The following TENM2 variants were observed in gnomAD, a reference collection of about 807,000 sequenced individuals.
TENM2 encodes teneurin-2.
TENM2 carries 52 observed loss-of-function variants against 245.2 expected under a neutral mutation model. The ratio of observed to expected loss-of-function variants is 0.21; its 90% CI spans 0.17 to 0.27. The LOEUF (loss-of-function observed/expected upper bound fraction) is 0.27, where lower values mean the gene tolerates loss of function less well. TENM2 is among the 10% of genes least tolerant of loss of function. The pLI is 1.00. For synonymous variants in TENM2, 1,363 were observed against 1,438.9 expected (o/e 0.95, Z 1.19); for missense variants, 3,046 against 3,666.8 (o/e 0.83, Z 4.37).
chr5:167,315,871 A>C (rs1033705404), intron 1 of TENM2, among the ~76,000 whole-genome samples: 1 of 152,134 alleles, frequency 6.6e-6, no homozygotes, highest in Non-Finnish European at 1.5e-5. Context: ...TGAAAAAGAA[A>C]ATTAGGAACA....
intron 7 of TENM2, among the ~76,000 whole-genome samples, chr5:168,080,447 C>T (rs1347538184): frequency 6.6e-6 from 1 of 152,090 alleles, no homozygotes; most frequent in African/African-American, 2.4e-5. Flanking sequence ...CTGCTCTGAT[C>T]TTAGTTATTT....
In TENM2 at chr5:167,940,307, T is replaced by C. The variant is rs143638499; in HGVS notation, c.713-12281T>C. 2.2e-4 allele frequency among the ~76,000 whole-genome samples: 33 copies of C among 152,300 alleles called. No homozygotes were observed. In the East Asian group the frequency reaches 4.2e-3, roughly 20 times the overall value. ...CGGTCATTTGTTCAACAACCGTCTATTGTGTCTACCAAGTACTCCAAGAGC... is the reference window on the plus strand; with the variant it reads ...CGGTCATTTGTTCAACAACCGTCTACTGTGTCTACCAAGTACTCCAAGAGC... On this transcript the variant is annotated intron_variant, in intron 3 of 28. Coordinates refer to ENST00000518659, the Ensembl canonical transcript of TENM2.
intron 2 of TENM2, among the ~76,000 whole-genome samples, chr5:167,841,694 G>C (rs774174547): frequency 2.0e-5 from 3 of 151,982 alleles, no homozygotes; most frequent in Non-Finnish European, 4.4e-5. Context: ...TCTAGTCCTT[G>C]GTCTATATTC....
intron 2 of TENM2, among the ~76,000 whole-genome samples, chr5:167,615,607 G>C (rs987040189): frequency 2.2e-4 from 34 of 152,040 alleles, no homozygotes; most frequent in African/African-American, 7.2e-4. Flanking sequence ...GCATTCAGAG[G>C]GGGACTTAGA....
chr5:168,160,333 G>GT (rs1266630431), intron 12 of TENM2, among the ~76,000 whole-genome samples: 22 of 152,240 alleles, frequency 1.4e-4, no homozygotes, highest in African/African-American at 5.3e-4. Context: ...GTGAACAGGG[G>GT]TTTTCCAGGC....
chr5:167,234,584 A>G, the TENM2 span, among the ~76,000 whole-genome samples: 4 of 152,242 alleles, frequency 2.6e-5, no homozygotes, highest in Admixed American at 1.3e-4. Context: ...TCTGACTTTT[A>G]TCAGACTCTG....
intron 8 of TENM2, among the ~76,000 whole-genome samples, chr5:168,093,418 G>A (rs1036284167): frequency 2.6e-5 from 4 of 152,180 alleles, no homozygotes; most frequent in African/African-American, 9.7e-5. Context: ...GAAATGCAGG[G>A]AAAAGAACAG....
At chr5:167,153,874 A>G in the TENM2 span, among the ~76,000 whole-genome samples, 2 of 152,148 alleles carry the variant, frequency 1.3e-5, no homozygotes, top group Non-Finnish European at 2.9e-5. Context: ...AACTCATTAC[A>G]TTTTCTAATA....
At chr5:167,840,010 G>A (rs1227885533) in intron 2 of TENM2, among the ~76,000 whole-genome samples, 1 of 152,100 alleles carries the variant, frequency 6.6e-6, no homozygotes, top group African/African-American at 2.4e-5. Context: ...TAGTAGAGAC[G>A]GAGTTTCACC....
intron 1 of TENM2, among the ~76,000 whole-genome samples, chr5:167,346,933 C>G (rs1310129980): frequency 6.6e-6 from 1 of 152,048 alleles, no homozygotes; most frequent in African/African-American, 2.4e-5. Flanking sequence ...CGCCTCCACA[C>G]CCAGCTATTT....
At chr5:168,038,575 T>C (rs1310583781) in intron 5 of TENM2, among the ~76,000 whole-genome samples, 1 of 152,220 alleles carries the variant, frequency 6.6e-6, no homozygotes, top group Non-Finnish European at 1.5e-5. Context: ...AGAACAGTGG[T>C]TGACACTGAG....
At chr5:167,026,740 C>A in the TENM2 span, among the ~76,000 whole-genome samples, 703 of 152,270 alleles carry the variant, frequency 4.6e-3, 2 homozygotes, top group Non-Finnish European at 9.1e-3. Flanking sequence ...TAATGAATAT[C>A]CTGAAATGTG....
intron 5 of TENM2, among the ~76,000 whole-genome samples, chr5:168,043,707 T>C (rs1788387755): frequency 6.6e-6 from 1 of 152,228 alleles, no homozygotes; most frequent in South Asian, 2.1e-4. Context: ...CATGTCTTCA[T>C]ACATGCTGTA....
chr5:167,725,687 A>G (rs996657666), intron 2 of TENM2, among the ~76,000 whole-genome samples: 7 of 152,116 alleles, frequency 4.6e-5, no homozygotes, highest in Non-Finnish European at 1.0e-4. Context: ...ATGGCTCGCC[A>G]GTGCCCTGAG....
At chr5:167,057,357 C>G in the TENM2 span, among the ~76,000 whole-genome samples, 2 of 152,134 alleles carry the variant, frequency 1.3e-5, no homozygotes, top group Non-Finnish European at 2.9e-5. Context: ...TGTACAGTCT[C>G]TTTACACTGT....
intron 2 of TENM2, among the ~76,000 whole-genome samples, chr5:167,521,882 T>G (rs898388448): frequency 6.6e-6 from 1 of 152,130 alleles, no homozygotes; most frequent in African/African-American, 2.4e-5. Context: ...AATTAAAAGA[T>G]TCTCTCTCTA....
At chr5:167,483,449 A>C (rs2127532027) in intron 2 of TENM2, among the ~76,000 whole-genome samples, 1 of 152,312 alleles carries the variant, frequency 6.6e-6, no homozygotes, top group South Asian at 2.1e-4. Flanking sequence ...TGTGCACATA[A>C]AAGAGCAAAA....
chr5:167,733,963 G>A (rs1280793024), intron 2 of TENM2, among the ~76,000 whole-genome samples: 4 of 152,184 alleles, frequency 2.6e-5, no homozygotes, highest in Non-Finnish European at 4.4e-5. Flanking sequence ...CCAAGGTCAC[G>A]TCTCATACGT....
At chr5:167,213,750 T>A in the TENM2 span, among the ~76,000 whole-genome samples, 1 of 152,184 alleles carries the variant, frequency 6.6e-6, no homozygotes, top group Non-Finnish European at 1.5e-5. Context: ...AAATTAAAAG[T>A]GTATATAAAA....
Sources: allele counts gnomAD v4.1 joint callset (sites outside exome capture counted in the v4.1 genomes callset), GRCh38; gene constraint gnomAD v4.1.1; transcripts MANE v1.5; gene names NCBI Gene and HGNC (gene_info 2026-07-23, HGNC 2026-07-21).